Variants in ANKRD44 observed in about 807,000 individuals in gnomAD.
ANKRD44 encodes ankyrin repeat domain 44.
ANKRD44 carries 35 observed loss-of-function variants against 116.0 expected under a neutral mutation model. The ratio of observed to expected loss-of-function variants is 0.30; its 90% CI spans 0.23 to 0.40. The LOEUF (loss-of-function observed/expected upper bound fraction) is 0.40, where lower values mean the gene tolerates loss of function less well. ANKRD44 is among the 10% of genes least tolerant of loss of function. The pLI is 1.00. For synonymous variants in ANKRD44, 435 were observed against 461.8 expected (o/e 0.94, Z 0.74); for missense variants, 1,014 against 1,242.6 (o/e 0.82, Z 2.77).
At chr2:197,273,415 A>G (rs924918352) in intron 1 of ANKRD44, among the ~76,000 whole-genome samples, 24 of 152,262 alleles carry the variant, frequency 1.6e-4, no homozygotes, top group African/African-American at 5.5e-4. Context: ...ATCCATTTTC[A>G]CATAGCAGAT....
chr2:197,199,732 C>T (rs2081050728), intron 1 of ANKRD44, among the ~76,000 whole-genome samples: 1 of 152,094 alleles, frequency 6.6e-6, no homozygotes, highest in African/African-American at 2.4e-5. Context: ...AGATGCATAC[C>T]ACCATGCCTG....
intron 3 of ANKRD44, among the ~76,000 whole-genome samples, chr2:197,145,012 C>T (rs1289076090): frequency 1.3e-5 from 2 of 152,178 alleles, no homozygotes; most frequent in African/African-American, 4.8e-5. Flanking sequence ...GGTGGGTGGG[C>T]TGGGCACGGT....
At chr2:197,060,973 G>A (rs545923322) in intron 16 of ANKRD44, among the ~76,000 whole-genome samples, 16 of 152,304 alleles carry the variant, frequency 1.1e-4, no homozygotes, top group Admixed American at 7.8e-4. Flanking sequence ...ATTGTGAATA[G>A]TGCTGCAGTG....
chr2:197,115,137 T>C (rs563042972), intron 8 of ANKRD44, among the ~76,000 whole-genome samples: 35 of 152,302 alleles, frequency 2.3e-4, no homozygotes, highest in African/African-American at 8.2e-4. Flanking sequence ...TCTAAGAGCC[T>C]GCAGACAGAA....
intron 6 of ANKRD44, among the ~76,000 whole-genome samples, chr2:197,124,116 C>T (rs1383759435): frequency 1.3e-5 from 2 of 152,160 alleles, no homozygotes; most frequent in Non-Finnish European, 2.9e-5. Context: ...CCTGCAGGTG[C>T]CACGCAGTCA....
At chr2:197,151,626 C>A (rs773476443) in intron 2 of ANKRD44, among the ~76,000 whole-genome samples, 1 of 152,176 alleles carries the variant, frequency 6.6e-6, no homozygotes, top group Admixed American at 6.5e-5. Flanking sequence ...GTTTTACAAT[C>A]ATTTATTCAG....
intron 25 of ANKRD44, among the ~76,000 whole-genome samples, chr2:196,998,001 C>G (rs977961950): frequency 2.6e-5 from 4 of 152,188 alleles, no homozygotes; most frequent in Non-Finnish European, 5.9e-5. Context: ...CTAAGGTCCT[C>G]ACTTTTATGT....
At chr2:197,080,078 C>T (rs780454625) in intron 15 of ANKRD44, among the ~76,000 whole-genome samples, 2 of 152,188 alleles carry the variant, frequency 1.3e-5, no homozygotes, top group South Asian at 2.1e-4. Context: ...GTATGACTCA[C>T]TGTAAATTGA....
intron 16 of ANKRD44, among the ~76,000 whole-genome samples, chr2:197,025,825 G>A (rs952854949): frequency 2.6e-5 from 4 of 152,128 alleles, no homozygotes; most frequent in African/African-American, 9.7e-5. Flanking sequence ...ATAAAGGTGT[G>A]GCAGGAGAGT....
intron 2 of ANKRD44, among the ~76,000 whole-genome samples, chr2:197,161,397 T>TG (rs1324354389): frequency 4.6e-5 from 7 of 152,096 alleles, no homozygotes; most frequent in Non-Finnish European, 1.0e-4. Context: ...AAATTTAAAG[T>TG]TTAAAGCAAC....
intron 14 of ANKRD44, 111 bp from the exon 15 acceptor site, chr2:197,081,836 AG>A: frequency 1.3e-6 from 1 of 795,508 alleles, no homozygotes; most frequent in Non-Finnish European, 2.1e-6. Context: ...CCAACCCAAA[AG>A]AAGTAAGCAC....
intron 16 of ANKRD44, among the ~76,000 whole-genome samples, chr2:197,028,012 G>A (rs985783899): frequency 2.0e-5 from 3 of 152,084 alleles, no homozygotes; most frequent in African/African-American, 7.2e-5. Flanking sequence ...ATTGATCACT[G>A]AGTTTAGCAA....
intron 21 of ANKRD44, among the ~76,000 whole-genome samples, chr2:196,968,700 C>A (rs984268864): frequency 1.3e-4 from 20 of 152,208 alleles, no homozygotes; most frequent in African/African-American, 4.6e-4. Flanking sequence ...CCTTTGGACT[C>A]TCCTGGTCAC....
At chr2:197,118,676 A>AAAGG (rs1452162759) in intron 8 of ANKRD44, among the ~76,000 whole-genome samples, 1 of 151,920 alleles carries the variant, frequency 6.6e-6, no homozygotes, top group Non-Finnish European at 1.5e-5. Flanking sequence ...AGAAAGAAAG[A>AAAGG]AAAACCTAAA....
At position 197,008,960 on chromosome 2, in the gene ANKRD44, T is replaced by TC. The variant is rs1253057364; in HGVS notation, c.1995dup (p.Lys666GlufsTer19). ...CGCACTTACTGTCCTTTGGCATCTT[T>TC]CACATCGACCGCCTCCGGGTTGTCT... On this transcript the variant is annotated frameshift_variant, in exon 19 of 28. Transcript: ENST00000282272. LOFTEE classifies it high-confidence loss of function. The TC allele has an allele frequency of 6.2e-7, 1 of 1,614,148 alleles. No individual in the cohort carries two copies. Among genetic ancestry groups the TC allele is most frequent in the Non-Finnish European group, 8.5e-7 (1 of 1,179,996 alleles).
chr2:197,126,292 T>C (rs1228148482), intron 4 of ANKRD44, among the ~76,000 whole-genome samples: 2 of 152,238 alleles, frequency 1.3e-5, no homozygotes, highest in Non-Finnish European at 2.9e-5. Flanking sequence ...TCTAAGTATA[T>C]GATGATGTCC....
intron 1 of ANKRD44, among the ~76,000 whole-genome samples, chr2:197,231,831 CCTG>C (rs1375384193): frequency 1.3e-5 from 2 of 152,046 alleles, no homozygotes; most frequent in Non-Finnish European, 2.9e-5. Flanking sequence ...TTTTTGAGTA[CCTG>C]CTATGTGCCA....
chr2:197,134,266 A>G (rs1032306124), intron 4 of ANKRD44: 1 of 152,154 alleles, frequency 6.6e-6, no homozygotes, highest in African/African-American at 2.4e-5. Context: ...TCCAATTTTC[A>G]TAAGAAACTG....
intron 11 of ANKRD44, among the ~76,000 whole-genome samples, chr2:197,089,586 T>C (rs556851499): frequency 6.6e-6 from 1 of 152,348 alleles, no homozygotes; most frequent in Admixed American, 6.5e-5. Flanking sequence ...CCTTTTTCCT[T>C]TGTTGAAAAA....
Sources: gnomAD v4.1 joint callset for allele counts (sites outside exome capture counted in the v4.1 genomes callset) on GRCh38, gnomAD v4.1.1 for gene constraint, MANE v1.5 for transcripts, NCBI Gene and HGNC (gene_info 2026-07-23, HGNC 2026-07-21) for gene names.